Variants in SOX5 observed in about 807,000 individuals in gnomAD.
SOX5 encodes transcription factor SOX-5.
A neutral mutation model predicts 92.0 loss-of-function variants in SOX5; 9 were observed. That is an observed-to-expected ratio of 0.10 (90% CI 0.06 to 0.17). SOX5 has a LOEUF of 0.17. Ranked by LOEUF, SOX5 falls within the 10% of genes least tolerant of loss-of-function variation. The pLI is 1.00. For missense variants in SOX5, 642 were observed against 944.5 expected, an observed-to-expected ratio of 0.68 and a Z score of 4.20; for synonymous variants, 344 against 336.3, an observed-to-expected ratio of 1.02 and a Z score of -0.25.
intron 2 of SOX5, among the ~76,000 whole-genome samples, chr12:23,889,147 C>T (rs1236823437): frequency 1.3e-5 from 2 of 152,154 alleles, no homozygotes; most frequent in Admixed American, 6.5e-5. Flanking sequence ...GGAGAATGCT[C>T]TCCCTAAACA....
intron 4 of SOX5, among the ~76,000 whole-genome samples, chr12:24,114,484 G>C (rs1170939979): frequency 2.1e-5 from 3 of 145,674 alleles, no homozygotes; most frequent in Non-Finnish European, 3.0e-5. Flanking sequence ...GCTGAGGTGG[G>C]AGGATTGCTT....
At chr12:24,275,744 C>G (rs1382888837) in intron 3 of SOX5, among the ~76,000 whole-genome samples, 1 of 152,270 alleles carries the variant, frequency 6.6e-6, no homozygotes, top group East Asian at 1.9e-4. Context: ...GGGAATGTTA[C>G]ATAGAATGCT....
At chr12:24,458,936 A>G (rs534468566) in intron 1 of SOX5, among the ~76,000 whole-genome samples, 1 of 152,272 alleles carries the variant, frequency 6.6e-6, no homozygotes, top group Non-Finnish European at 1.5e-5. Context: ...AGAAATTGTC[A>G]GTACTCTCCC....
Position 23,966,771 on chromosome 12 carries a change from A to T in SOX5, c.-1-70747T>A, listed in dbSNP as rs76466119. 2.4e-3 allele frequency among the ~76,000 whole-genome samples: 358 copies of T among 152,306 alleles called. 15 individuals carry two copies. The East Asian group carries it at 0.061, about 26-fold the overall frequency. On this transcript the variant is annotated intron_variant, in intron 4 of 4. Transcript: ENST00000446891. ...CTTGCAAAGATGGTATGAACATTTAATATTACAACTGATACAAAAAATGCT... is the reference window on the plus strand; with the variant it reads ...CTTGCAAAGATGGTATGAACATTTATTATTACAACTGATACAAAAAATGCT...
chr12:24,079,551 AC>A (rs1943077353), intron 4 of SOX5, among the ~76,000 whole-genome samples: 1 of 152,004 alleles, frequency 6.6e-6, no homozygotes, highest in Non-Finnish European at 1.5e-5. Flanking sequence ...GTATTTATTC[AC>A]AAAGTTGCAT....
intron 8 of SOX5, among the ~76,000 whole-genome samples, chr12:23,611,983 G>T (rs2076018777): frequency 6.6e-6 from 1 of 151,232 alleles, no homozygotes; most frequent in Non-Finnish European, 1.5e-5. Context: ...AGTACTGTAT[G>T]ATAAAACATA....
chr12:23,855,619 TA>T (rs149880940), intron 2 of SOX5, among the ~76,000 whole-genome samples: 1 of 152,198 alleles, frequency 6.6e-6, no homozygotes, highest in African/African-American at 2.4e-5. Context: ...TCAGCACCAC[TA>T]GACTGTCTGG....
chr12:24,483,573 T>C (rs1946217865), intron 1 of SOX5, among the ~76,000 whole-genome samples: 1 of 152,246 alleles, frequency 6.6e-6, no homozygotes. Context: ...TATTTAACGT[T>C]GCATGAACCA....
intron 1 of SOX5, among the ~76,000 whole-genome samples, chr12:24,410,549 A>C (rs953080325): frequency 3.3e-5 from 5 of 152,200 alleles, no homozygotes; most frequent in Admixed American, 6.5e-5. Context: ...TCACTCCAAG[A>C]ATGAACTGTT....
intron 1 of SOX5, among the ~76,000 whole-genome samples, chr12:24,387,107 T>C (rs188482698): frequency 6.6e-6 from 1 of 152,344 alleles, no homozygotes; most frequent in East Asian, 1.9e-4. Context: ...AAAGTAGAAG[T>C]ACCAATTTTA....
chr12:23,979,696 A>ATATATTTTTTTTTTT (rs1248234590), intron 4 of SOX5, among the ~76,000 whole-genome samples: 1 of 27,430 alleles, frequency 3.6e-5, no homozygotes, highest in Non-Finnish European at 7.5e-5. Flanking sequence ...ATATATATAT[A>ATATATTTTTTTTTTT]TGTTTTTTTT....
intron 4 of SOX5, among the ~76,000 whole-genome samples, chr12:24,200,769 T>C (rs946176153): frequency 6.6e-6 from 1 of 152,232 alleles, no homozygotes. Flanking sequence ...CTAAGGCCTC[T>C]GCCATTATTT....
At chr12:23,590,702 T>C (rs1181148743) in intron 9 of SOX5, among the ~76,000 whole-genome samples, 2 of 152,110 alleles carry the variant, frequency 1.3e-5, no homozygotes, top group Admixed American at 1.3e-4. Flanking sequence ...GTGTCCAGCA[T>C]ATTAGAGGTG....
At chr12:24,341,054 C>A (rs1258623876) in intron 2 of SOX5, among the ~76,000 whole-genome samples, 1 of 152,116 alleles carries the variant, frequency 6.6e-6, no homozygotes, top group Non-Finnish European at 1.5e-5. Flanking sequence ...CAGAAAAAAG[C>A]CACAGTCTTA....
At chr12:23,651,929 T>C (rs2081619425) in intron 7 of SOX5, among the ~76,000 whole-genome samples, 1 of 151,864 alleles carries the variant, frequency 6.6e-6, no homozygotes, top group South Asian at 2.1e-4. Flanking sequence ...ATCGATGACC[T>C]CAAATACCAA....
chr12:23,895,011 T>C (rs984611484), intron 2 of SOX5, among the ~76,000 whole-genome samples: 3 of 152,108 alleles, frequency 2.0e-5, no homozygotes, highest in African/African-American at 4.8e-5. Context: ...TATGATTCTA[T>C]GTATTTAAGT....
At chr12:24,372,279 A>C (rs573355508) in intron 1 of SOX5, among the ~76,000 whole-genome samples, 1 of 151,770 alleles carries the variant, frequency 6.6e-6, no homozygotes, top group Admixed American at 6.6e-5. Flanking sequence ...TGCTATCCCC[A>C]CTAGCCCCCC....
At chr12:24,190,696 T>C (rs1360469956) in intron 4 of SOX5, among the ~76,000 whole-genome samples, 2 of 152,316 alleles carry the variant, frequency 1.3e-5, no homozygotes, top group East Asian at 3.9e-4. Flanking sequence ...CAAGATGCCA[T>C]TAATTTGAGG....
chr12:24,496,240 A>G (rs891602506), intron 1 of SOX5, among the ~76,000 whole-genome samples: 13 of 152,214 alleles, frequency 8.5e-5, no homozygotes, highest in African/African-American at 3.1e-4. Context: ...CCTAAACATC[A>G]AGAGGTTACT....
Sources: gnomAD v4.1 joint callset for allele counts (sites outside exome capture counted in the v4.1 genomes callset) on GRCh38, gnomAD v4.1.1 for gene constraint, MANE v1.5 for transcripts, NCBI Gene and HGNC (gene_info 2026-07-23, HGNC 2026-07-21) for gene names.